MTM1: variants seen among roughly 807,000 people sequenced by gnomAD.
MTM1 encodes the protein myotubularin 1.
A neutral mutation model predicts 52.1 loss-of-function variants in MTM1; 9 were observed. The ratio of observed to expected loss-of-function variants is 0.17; its 90% CI spans 0.10 to 0.30. MTM1 has a LOEUF of 0.30. Among genes scored for constraint, MTM1 ranks in the 10% least tolerant of loss-of-function variants. The pLI, the probability that MTM1 is intolerant of heterozygous loss-of-function variation, is 1.00. For synonymous variants in MTM1, 136 were observed against 163.8 expected (o/e 0.83, Z 1.29); for missense variants, 277 against 470.7 (o/e 0.59, Z 3.81).
At position 150,670,841 on chromosome X, in the gene MTM1, T is replaced by C. The variant is rs1377035878; in HGVS notation, c.1645-587T>C. ...ACACACTACCGAGGAGCCCTGGAAA[T>C]CACTGATTACCCATCAGCCTGGGAA... On this transcript the variant is annotated intron_variant, in intron 14 of 14. Coordinates refer to ENST00000370396, the MANE Select transcript of MTM1 (RefSeq NM_000252.3). Among the ~76,000 whole-genome samples, 4 of 111,802 alleles carry C rather than the reference T, an allele frequency of 3.6e-5. No homozygotes were observed. The South Asian group carries it at 1.1e-3, about 31-fold the overall frequency.
upstream of MTM1, among the ~76,000 whole-genome samples, chrX:150,563,608 G>T (rs782198947): frequency 4.7e-5 from 5 of 106,304 alleles, no homozygotes; most frequent in Non-Finnish European, 5.8e-5. Context: ...TTATTGGGCC[G>T]GGCACGATGG....
intron 6 of MTM1, among the ~76,000 whole-genome samples, chrX:150,626,531 A>G (rs1239345477): frequency 2.7e-5 from 3 of 110,672 alleles, no homozygotes; most frequent in African/African-American, 9.9e-5. Context: ...GATGGTCTCA[A>G]TCTCTTGACC....
At chrX:150,636,313 T>G (rs782546632) in intron 6 of MTM1, among the ~76,000 whole-genome samples, 1 of 112,129 alleles carries the variant, frequency 8.9e-6, no homozygotes, top group Non-Finnish European at 1.9e-5. Flanking sequence ...GTTAGGTAGA[T>G]AATTTTTGTT....
intron 8 of MTM1, among the ~76,000 whole-genome samples, chrX:150,643,670 C>T (rs1360533063): frequency 9.0e-6 from 1 of 111,667 alleles, no homozygotes; most frequent in Non-Finnish European, 1.9e-5. Flanking sequence ...AAATATGATC[C>T]GCTCATATGC....
intron 4 of MTM1, among the ~76,000 whole-genome samples, chrX:150,604,437 C>T (rs1172437466): frequency 9.0e-6 from 1 of 111,473 alleles, no homozygotes; most frequent in East Asian, 2.8e-4. Flanking sequence ...TCTTTCCTTA[C>T]TGCCTGCTGG....
At chrX:150,634,171 T>A (rs1409658304) in intron 6 of MTM1, among the ~76,000 whole-genome samples, 1 of 112,696 alleles carries the variant, frequency 8.9e-6, no homozygotes, top group Non-Finnish European at 1.9e-5. Context: ...TTAACATCAT[T>A]TGAAAACACT....
At chrX:150,649,573 C>T in intron 9 of MTM1, 143 bp from the exon 10 acceptor site, 1 of 511,225 alleles carries the variant, frequency 2.0e-6, no homozygotes, top group East Asian at 3.6e-5. Flanking sequence ...TTGTTGTTGG[C>T]TAGGAAGTCA....
chrX:150,632,046 A>G (rs186101730), intron 6 of MTM1, among the ~76,000 whole-genome samples: 58 of 111,626 alleles, frequency 5.2e-4, no homozygotes, highest in African/African-American at 1.8e-3. Flanking sequence ...TTTCCTTTCT[A>G]TTGTTGCTTA....
At chrX:150,626,236 A>T (rs1005964978) in intron 6 of MTM1, among the ~76,000 whole-genome samples, 2 of 112,494 alleles carry the variant, frequency 1.8e-5, no homozygotes, top group Non-Finnish European at 3.8e-5. Flanking sequence ...TTATGGAGGT[A>T]TATATCTTTT....
At chrX:150,657,253 G>A in intron 10 of MTM1, among the ~76,000 whole-genome samples, 1 of 111,396 alleles carries the variant, frequency 9.0e-6, no homozygotes. Context: ...ACTGGATTAA[G>A]GAAATGTGGC....
chrX:150,579,316 A>C (rs2038537384), intron 1 of MTM1, among the ~76,000 whole-genome samples: 1 of 110,827 alleles, frequency 9.0e-6, no homozygotes, highest in African/African-American at 3.3e-5. Context: ...GTCCTCCCAA[A>C]GTGCTGGGAT....
At chrX:150,590,517 G>T (rs190829175) in intron 1 of MTM1, among the ~76,000 whole-genome samples, 72 of 111,481 alleles carry the variant, frequency 6.5e-4, no homozygotes, top group African/African-American at 2.2e-3. Flanking sequence ...AAAATTGATT[G>T]TGGTGATGGG....
At chrX:150,663,742 A>G in intron 14 of MTM1, 133 bp downstream of exon 14, 1 of 597,710 alleles carries the variant, frequency 1.7e-6, no homozygotes, top group Admixed American at 3.2e-5. Context: ...GTTAAACTCA[A>G]CCTTAATTTA....
At chrX:150,598,529 C>A in intron 3 of MTM1, 63 bp from the exon 4 acceptor site, 1 of 652,753 alleles carries the variant, frequency 1.5e-6, no homozygotes, top group Non-Finnish European at 2.5e-6. Context: ...TAAATTAGTG[C>A]CATTTGTTGT....
intron 4 of MTM1, among the ~76,000 whole-genome samples, chrX:150,611,574 A>T (rs1432218488): frequency 6.2e-4 from 69 of 112,166 alleles, no homozygotes; most frequent in African/African-American, 2.0e-3. Flanking sequence ...AGTTCCCCAC[A>T]ATAACTATAT....
In MTM1 at chrX:150,659,664, C is replaced by T. The variant is rs587783771; in HGVS notation, c.1261C>T (p.Arg421Ter). 8.3e-7 allele frequency: 1 copy of T among 1,204,655 alleles called. No individual in the cohort carries two copies. Among genetic ancestry groups the T allele is most frequent in the Non-Finnish European group, 1.1e-6 (1 of 889,249 alleles). ...WISFGHKFAS[R>*]IGHGDKNHTD... is the part of the protein sequence containing the mutation. ...AAATTATCTTCATCAATTTATTCAG[C>T]GAATAGGTCATGGTGATAAAAACCA... The change falls in exon 12 of 15, where the codon CGA (arginine) becomes TGA (stop). Residue 421 changes from arginine to a stop codon, truncating the protein, a stop_gained and splice_region_variant. Transcript: ENST00000370396. LOFTEE classifies it high-confidence loss of function.
intron 6 of MTM1, among the ~76,000 whole-genome samples, chrX:150,633,979 G>A (rs1410639732): frequency 8.9e-6 from 1 of 112,547 alleles, no homozygotes. Flanking sequence ...AGGTTGCAGT[G>A]AGCCAAGATG....
chrX:150,598,700 A>G lies in MTM1; in HGVS notation c.231+14A>G. 1 of 1,019,350 alleles carries G rather than the reference A, an allele frequency of 9.8e-7. No individual in the cohort carries two copies. Among genetic ancestry groups the G allele is most frequent in the South Asian group, 1.9e-5 (1 of 51,545 alleles). 84.0% of individuals were successfully genotyped at this position (1,019,350 alleles called of 1,213,427 possible). On this transcript the variant is annotated intron_variant, in intron 4 of 14. Coordinates refer to ENST00000370396, the MANE Select transcript of MTM1 (RefSeq NM_000252.3). ...AGTTTGGAAACGGTAAGTAGAATAT[A>G]AGACCATAAAGATGACCCTAACTGT...
At chrX:150,584,798 G>A (rs1464850229) in intron 1 of MTM1, among the ~76,000 whole-genome samples, 1 of 111,498 alleles carries the variant, frequency 9.0e-6, no homozygotes, top group Non-Finnish European at 1.9e-5. Flanking sequence ...ATATAACCTT[G>A]CATATCCTCC....
Sources: gnomAD v4.1 joint callset for allele counts (sites outside exome capture counted in the v4.1 genomes callset) on GRCh38, gnomAD v4.1.1 for gene constraint, MANE v1.5 for transcripts, NCBI Gene and HGNC (gene_info 2026-07-23, HGNC 2026-07-21) for gene names.